The following ITGA9 variants were observed in gnomAD, a reference collection of about 807,000 sequenced individuals.
ITGA9 encodes the protein integrin subunit alpha 9.
ITGA9 carries 56 observed loss-of-function variants against 127.8 expected under a neutral mutation model. The ratio of observed to expected loss-of-function variants is 0.44; its 90% CI spans 0.35 to 0.55. The LOEUF is 0.55. Among genes scored for constraint, ITGA9 ranks in the 20% least tolerant of loss-of-function variants. The pLI, the probability that ITGA9 is intolerant of heterozygous loss-of-function variation, is 0.00. For missense variants in ITGA9, 1,196 were observed against 1,347.1 expected (o/e 0.89, Z 1.76); for synonymous variants, 508 against 514.5 (o/e 0.99, Z 0.17).
Position 37,452,518 on chromosome 3 carries a change from C to T in ITGA9, c.144C>T (p.Phe48=), listed in dbSNP as rs1163858259. 3.9e-6 allele frequency: 6 copies of T among 1,528,384 alleles called. No individual in the cohort carries two copies. The Admixed American group carries it at 8.1e-5, about 21-fold the overall frequency. The allele number at this position is 1,528,384 out of a possible 1,614,324, so 94.7% of individuals were successfully genotyped here. Residue 48 remains phenylalanine, a synonymous_variant, in exon 1 of 28, where the codon TTC becomes TTT. Transcript: ENST00000264741. The surrounding 1 kb of genome is among the most constrained non-coding windows in gnomAD (Gnocchi z 7.3). ...VHFQGPADSF[F]GYAVLEHFHD... is the part of the protein sequence containing the mutation. ...TCCAGGGCCCCGCTGACTCGTTCTT[C>T]GGCTACGCAGTTCTGGAGCATTTCC...
Position 37,814,495 on chromosome 3 carries a change from G to T in ITGA9, c.3010-4396G>T, listed in dbSNP as rs922896836. ...CAGGAGAATCGCTTGAACCCGAGAG[G>T]TGGAGGTTGCAGTGAGCCAAGATCG... On this transcript the variant is annotated intron_variant, in intron 27 of 27. Transcript: ENST00000264741. The surrounding 1 kb of genome is among the most constrained non-coding windows in gnomAD (Gnocchi z 4.3). Among the ~76,000 whole-genome samples, 2 of 152,158 alleles carry T rather than the reference G, an allele frequency of 1.3e-5. No homozygotes were observed. Among genetic ancestry groups the T allele is most frequent in the Non-Finnish European group, 2.9e-5 (2 of 68,030 alleles).
intron 18 of ITGA9, among the ~76,000 whole-genome samples, chr3:37,697,874 G>A (rs1025772651): frequency 3.3e-5 from 5 of 152,142 alleles, no homozygotes; most frequent in Non-Finnish European, 5.9e-5. Context: ...TGGGTCAAAT[G>A]GTGTTTCTAG....
At chr3:37,505,265 T>A (rs1698828314) in intron 6 of ITGA9, among the ~76,000 whole-genome samples, 1 of 152,200 alleles carries the variant, frequency 6.6e-6, no homozygotes, top group Admixed American at 6.5e-5. Flanking sequence ...GAAGAAACAG[T>A]CATGCCTTCT....
At chr3:37,584,123 T>C (rs1699734067) in intron 15 of ITGA9, among the ~76,000 whole-genome samples, 1 of 152,232 alleles carries the variant, frequency 6.6e-6, no homozygotes, top group African/African-American at 2.4e-5. Context: ...ATTTATGTTC[T>C]CATGGATCTG....
At chr3:37,576,924 A>C (rs1699659315) in intron 15 of ITGA9, among the ~76,000 whole-genome samples, 1 of 152,234 alleles carries the variant, frequency 6.6e-6, no homozygotes, top group South Asian at 2.1e-4. Flanking sequence ...TGTTTTAAAA[A>C]ATGAAAATAG....
At chr3:37,585,796 GC>G (rs3044748) in intron 15 of ITGA9, among the ~76,000 whole-genome samples, 48 of 151,884 alleles carry the variant, frequency 3.2e-4, no homozygotes, top group Middle Eastern at 6.8e-3. Context: ...GAAGAAGGGG[GC>G]CCCCCCAATT....
chr3:37,546,577 T>C (rs1019342869), intron 15 of ITGA9, among the ~76,000 whole-genome samples: 2 of 152,224 alleles, frequency 1.3e-5, no homozygotes, highest in South Asian at 4.1e-4. Context: ...GCTACTGTCC[T>C]AGGCCCTGGG....
chr3:37,469,802 T>A (rs1399957906), intron 1 of ITGA9, among the ~76,000 whole-genome samples: 1 of 152,194 alleles, frequency 6.6e-6, no homozygotes, highest in African/African-American at 2.4e-5. Context: ...TTTTTTGTTT[T>A]GTTTTGTTTT....
chr3:37,560,668 A>G, intron 15 of ITGA9, among the ~76,000 whole-genome samples: 1 of 152,134 alleles, frequency 6.6e-6, no homozygotes. Context: ...ATGGTATCTC[A>G]TTGTGGTTTT....
intron 15 of ITGA9, among the ~76,000 whole-genome samples, chr3:37,599,351 T>C (rs1699896641): frequency 1.3e-5 from 2 of 152,222 alleles, no homozygotes; most frequent in African/African-American, 4.8e-5. Flanking sequence ...TCAGATGTTT[T>C]AGAGTTGGCT....
intron 15 of ITGA9, among the ~76,000 whole-genome samples, chr3:37,546,242 A>G (rs912318722): frequency 6.6e-6 from 1 of 152,204 alleles, no homozygotes; most frequent in African/African-American, 2.4e-5. Flanking sequence ...AAAGTTGCTG[A>G]TAAAGCGCCC....
At chr3:37,738,678 A>G (rs1387079482) in intron 20 of ITGA9, among the ~76,000 whole-genome samples, 1 of 152,214 alleles carries the variant, frequency 6.6e-6, no homozygotes, top group Non-Finnish European at 1.5e-5. Context: ...TTGGATCCAC[A>G]GAACACTCGC....
At chr3:37,512,009 TTTTCTTTTCTTTTCTTTTCTTTCTTTC>T (rs1214332789) in intron 8 of ITGA9, among the ~76,000 whole-genome samples, 55 of 40,486 alleles carry the variant, frequency 1.4e-3, no homozygotes, top group African/African-American at 2.5e-3. Context: ...TTTTCTTTTC[TTTTCTTTTCTTTTCTTTTCTTTCTTTC>T]TTTCTTTCTT....
chr3:37,630,818 G>A (rs984960191), intron 16 of ITGA9, among the ~76,000 whole-genome samples: 1 of 152,188 alleles, frequency 6.6e-6, no homozygotes, highest in Admixed American at 6.5e-5. Flanking sequence ...ATTGATACTT[G>A]GAACAGGCCC....
chr3:37,454,951 A>G (rs919987650), intron 1 of ITGA9, among the ~76,000 whole-genome samples: 2 of 152,130 alleles, frequency 1.3e-5, no homozygotes, highest in Admixed American at 6.5e-5. Flanking sequence ...TTTCCTCTAG[A>G]GGCTAGACTT....
intron 18 of ITGA9, among the ~76,000 whole-genome samples, chr3:37,719,215 G>C (rs1238502260): frequency 6.6e-6 from 1 of 152,120 alleles, no homozygotes; most frequent in Non-Finnish European, 1.5e-5. Flanking sequence ...AGAAAGGGAG[G>C]AAGGATCATC....
At chr3:37,760,119 G>T (rs1696705673) in intron 23 of ITGA9, among the ~76,000 whole-genome samples, 1 of 151,860 alleles carries the variant, frequency 6.6e-6, no homozygotes, top group South Asian at 2.1e-4. Context: ...TACTCAGGAG[G>T]CCGAGGCAGG....
intron 18 of ITGA9, among the ~76,000 whole-genome samples, chr3:37,722,437 A>G (rs1279281550): frequency 6.6e-6 from 1 of 152,158 alleles, no homozygotes; most frequent in African/African-American, 2.4e-5. Context: ...CTCAAAAAGA[A>G]CCACCATACT....
intron 15 of ITGA9, among the ~76,000 whole-genome samples, chr3:37,598,303 G>A (rs1699886926): frequency 6.6e-6 from 1 of 152,214 alleles, no homozygotes; most frequent in Non-Finnish European, 1.5e-5. Flanking sequence ...CAAAGGCTGT[G>A]TGAGTGAAGA....
Sources: gnomAD v4.1 joint callset for allele counts (sites outside exome capture counted in the v4.1 genomes callset) on GRCh38, gnomAD v4.1.1 for gene constraint, Gnocchi (gnomAD v3.1) non-coding constraint, MANE v1.5 for transcripts, NCBI Gene and HGNC (gene_info 2026-07-23, HGNC 2026-07-21) for gene names.